Variants in ATP8A2 observed in about 807,000 individuals in gnomAD.
ATP8A2 encodes the protein phospholipid-transporting ATPase IB.
In ATP8A2, 100 loss-of-function variants were observed where a neutral mutation model predicts 165.6. The observed-to-expected ratio is 0.60, with a 90% CI of 0.51 to 0.71. ATP8A2 has a LOEUF of 0.71. ATP8A2 is among the 30% of genes least tolerant of loss of function. ATP8A2 has a pLI of 0.00. For synonymous variants in ATP8A2, 543 were observed against 548.8 expected (o/e 0.99, Z 0.15); for missense variants, 1,227 against 1,479.5 (o/e 0.83, Z 2.80).
At chr13:25,494,000 G>A (rs1162036191) in intron 2 of ATP8A2, among the ~76,000 whole-genome samples, 1 of 152,092 alleles carries the variant, frequency 6.6e-6, no homozygotes, top group Non-Finnish European at 1.5e-5. Flanking sequence ...GGTGAATCAC[G>A]TCCACTCTAA....
chr13:25,816,615 G>T (rs1221205444), intron 27 of ATP8A2, among the ~76,000 whole-genome samples: 2 of 152,146 alleles, frequency 1.3e-5, no homozygotes, highest in African/African-American at 4.8e-5. Context: ...GTGAATTGTT[G>T]GACAGAGATG....
At chr13:25,950,173 C>T (rs911446770) in intron 33 of ATP8A2, among the ~76,000 whole-genome samples, 16 of 152,262 alleles carry the variant, frequency 1.1e-4, no homozygotes, top group African/African-American at 3.8e-4. Flanking sequence ...ATAAAAGTCG[C>T]GTATCTCAGG....
intron 24 of ATP8A2, among the ~76,000 whole-genome samples, chr13:25,662,092 C>T (rs75837851): frequency 0.015 from 2,334 of 152,252 alleles, 59 homozygotes; most frequent in African/African-American, 0.052. Context: ...GCTGTCTCTG[C>T]CTGGACCTTC....
Position 25,617,011 on chromosome 13 carries a change from TAAAA to T in ATP8A2, c.2211+27313_2211+27316del, listed in dbSNP as rs2040844904. ...TGTAATTGGAAATGATTTCATAGAA[TAAAA>T]CTGAAGCCTGGTTTATCTTGAAAAG... On this transcript the variant is annotated intron_variant, in intron 24 of 36. Transcript: ENST00000381655. Among the ~76,000 whole-genome samples the T allele has an allele frequency of 1.3e-5, 2 of 152,206 alleles. 1 individual carries two copies. Among genetic ancestry groups the T allele is most frequent in the South Asian group, 4.1e-4 (2 of 4,834 alleles).
chr13:25,925,617 T>A (rs1205545063), intron 33 of ATP8A2, among the ~76,000 whole-genome samples: 2 of 152,220 alleles, frequency 1.3e-5, no homozygotes, highest in Middle Eastern at 3.4e-3. Context: ...ATGAAATGCT[T>A]GGCCATTGTC....
At chr13:25,977,801 T>C (rs1295954780) in intron 35 of ATP8A2, among the ~76,000 whole-genome samples, 1 of 152,204 alleles carries the variant, frequency 6.6e-6, no homozygotes, top group Non-Finnish European at 1.5e-5. Context: ...TGCCCAGTGC[T>C]GCGATGAAGA....
chr13:25,507,995 T>A (rs1228062064), intron 2 of ATP8A2, among the ~76,000 whole-genome samples: 1 of 152,122 alleles, frequency 6.6e-6, no homozygotes, highest in Non-Finnish European at 1.5e-5. Flanking sequence ...CACAAATGTA[T>A]GAAAATATAT....
intron 24 of ATP8A2, among the ~76,000 whole-genome samples, chr13:25,622,773 CAT>C (rs1166591621): frequency 6.6e-6 from 1 of 152,114 alleles, no homozygotes; most frequent in Non-Finnish European, 1.5e-5. Flanking sequence ...CAAGATATCT[CAT>C]AATGTATATG....
At chr13:25,991,473 G>C (rs961302187) in intron 35 of ATP8A2, among the ~76,000 whole-genome samples, 3 of 152,034 alleles carry the variant, frequency 2.0e-5, no homozygotes, top group African/African-American at 7.2e-5. Flanking sequence ...TTTCCATCCC[G>C]CCATTGTGCT....
chr13:25,407,754 A>G (rs139101412), intron 1 of ATP8A2, among the ~76,000 whole-genome samples: 1,795 of 152,292 alleles, frequency 0.012, 31 homozygotes, highest in African/African-American at 0.041. Flanking sequence ...GGGGTTAAGA[A>G]AGACTTCCTC....
chr13:25,684,094 A>G (rs2042550749), intron 24 of ATP8A2, among the ~76,000 whole-genome samples: 1 of 152,264 alleles, frequency 6.6e-6, no homozygotes, highest in African/African-American at 2.4e-5. Flanking sequence ...CGAATAAGAT[A>G]TAATAAAAAG....
In ATP8A2 at chr13:25,805,362, C is replaced by T. The variant is rs377270158; in HGVS notation, c.2680-22756C>T. 2.6e-5 allele frequency among the ~76,000 whole-genome samples: 4 copies of T among 151,804 alleles called. No individual in the cohort carries two copies. The East Asian group carries it at 5.8e-4, about 22-fold the overall frequency. Reference sequence around the variant, plus strand: ...TATCTCTATAAAAAATGCAAAAATACAAAATTAGCCAGGCATGGTGGTGCA... The same window carrying T: ...TATCTCTATAAAAAATGCAAAAATATAAAATTAGCCAGGCATGGTGGTGCA... On this transcript the variant is annotated intron_variant, in intron 27 of 36. Transcript: ENST00000381655.
intron 25 of ATP8A2, among the ~76,000 whole-genome samples, chr13:25,727,363 C>A (rs1002518372): frequency 4.6e-5 from 7 of 152,098 alleles, no homozygotes; most frequent in African/African-American, 1.7e-4. Flanking sequence ...CTGTGGCCAA[C>A]CAGGAAAGTG....
At chr13:25,949,047 C>G (rs1179742916) in intron 33 of ATP8A2, among the ~76,000 whole-genome samples, 1 of 152,226 alleles carries the variant, frequency 6.6e-6, no homozygotes, top group African/African-American at 2.4e-5. Flanking sequence ...CTGACTTCAT[C>G]CCCCTCTGTG....
intron 25 of ATP8A2, among the ~76,000 whole-genome samples, chr13:25,746,997 C>G (rs557209558): frequency 6.6e-6 from 1 of 152,180 alleles, no homozygotes. Flanking sequence ...TATGGTCGTT[C>G]TGTCCTGCGA....
chr13:25,600,227 C>A (rs1334659583), intron 24 of ATP8A2, among the ~76,000 whole-genome samples: 1 of 152,168 alleles, frequency 6.6e-6, no homozygotes, highest in Non-Finnish European at 1.5e-5. Flanking sequence ...AAGTGATTGT[C>A]AAGGGAATTG....
chr13:25,489,162 A>ATTC (rs1480958764), intron 2 of ATP8A2, among the ~76,000 whole-genome samples: 2 of 151,930 alleles, frequency 1.3e-5, no homozygotes, highest in East Asian at 3.9e-4. Flanking sequence ...AGGCACTGTG[A>ATTC]TTCTCCCTGT....
At chr13:25,925,255 A>C (rs306409) in intron 33 of ATP8A2, among the ~76,000 whole-genome samples, 2 of 152,136 alleles carry the variant, frequency 1.3e-5, no homozygotes, top group East Asian at 1.9e-4. Flanking sequence ...AGGTGGGGGC[A>C]GGGCGCTGTG....
chr13:25,765,806 T>C (rs181934126), intron 25 of ATP8A2, among the ~76,000 whole-genome samples: 2 of 152,294 alleles, frequency 1.3e-5, no homozygotes, highest in African/African-American at 2.4e-5. Context: ...CATTTCCCAT[T>C]GGTTGGCCTA....
Sources: allele counts gnomAD v4.1 joint callset (sites outside exome capture counted in the v4.1 genomes callset), GRCh38; gene constraint gnomAD v4.1.1; transcripts MANE v1.5; gene names NCBI Gene and HGNC (gene_info 2026-07-23, HGNC 2026-07-21).